Variants in SVEP1 observed in about 807,000 individuals in gnomAD.
SVEP1 encodes sushi, von Willebrand factor type A, EGF and pentraxin domain-containing protein 1.
Under a neutral mutation model 367.3 loss-of-function variants are expected in SVEP1, and 164 were observed. The observed-to-expected ratio is 0.45, with a 90% CI of 0.39 to 0.51. The LOEUF (loss-of-function observed/expected upper bound fraction) is 0.51, where lower values mean the gene tolerates loss of function less well. Among genes scored for constraint, SVEP1 ranks in the 20% least tolerant of loss-of-function variants. The pLI is 0.00. For missense variants in SVEP1, 4,117 were observed against 4,425.3 expected, an observed-to-expected ratio of 0.93 and a Z score of 1.98; for synonymous variants, 1,666 against 1,611.6, an observed-to-expected ratio of 1.03 and a Z score of -0.81.
At chr9:110,431,781 TTTATC>T (rs1343297755) in intron 32 of SVEP1, 129 bp downstream of exon 32, 244 of 1,214,144 alleles carry the variant, frequency 2.0e-4, no homozygotes, top group Non-Finnish European at 2.6e-4. Flanking sequence ...TTGTAAGAAC[TTTATC>T]TTATCTGCCT....
chr9:110,479,573 A>C, intron 13 of SVEP1, 62 bp downstream of exon 13: 1 of 1,512,972 alleles, frequency 6.6e-7, no homozygotes, highest in Non-Finnish European at 8.8e-7. Flanking sequence ...GTTGTAAATG[A>C]CTCAGAAAGG....
At chr9:110,485,406 G>A (rs535604348) in intron 9 of SVEP1, among the ~76,000 whole-genome samples, 6 of 152,124 alleles carry the variant, frequency 3.9e-5, no homozygotes, top group Non-Finnish European at 8.8e-5. Flanking sequence ...AACAGGGAGG[G>A]GAACAACACA....
chr9:110,471,434 G>C lies in SVEP1; in HGVS notation c.2928C>G (p.Ser976Arg), dbSNP rs1340172460. 6.2e-7 allele frequency: 1 copy of C among 1,613,912 alleles called. No homozygotes were observed. The highest frequency in any genetic ancestry group is 8.5e-7 in the Non-Finnish European group (1 of 1,179,872). ...QLASEILIAD[S>R]NSLETKKASP... The stretch of plus-strand genomic sequence containing the variant: ...AAGCCTTTTTTGTTTCTAATGAATT[G>C]CTGTCGGCTATAAGTATTTCTGATG... The change falls in exon 16 of 48, where the codon AGC becomes AGG. Residue 976 changes from serine to arginine, a missense_variant. By Grantham distance (110) the Ser-to-Arg change is moderately radical (BLOSUM62 -1). Around this residue, in one of 4 missense-constraint regions of SVEP1, gnomAD observed 2,174 missense variants for 2,494.3 expected, o/e 0.87. Transcript: ENST00000374469.
At chr9:110,529,964 T>C (rs1232302094) in intron 3 of SVEP1, among the ~76,000 whole-genome samples, 2 of 152,182 alleles carry the variant, frequency 1.3e-5, no homozygotes, top group Non-Finnish European at 2.9e-5. Flanking sequence ...TTTTAAACTT[T>C]TTCCCACTTA....
chr9:110,541,883 C>G (rs1490916563), intron 3 of SVEP1, among the ~76,000 whole-genome samples: 2 of 141,172 alleles, frequency 1.4e-5, no homozygotes, highest in Admixed American at 1.4e-4. Context: ...CTATATATAT[C>G]TATATACATA....
chr9:110,468,402 CAT>C (rs1358854741), intron 17 of SVEP1, among the ~76,000 whole-genome samples: 1 of 152,194 alleles, frequency 6.6e-6, no homozygotes, highest in African/African-American at 2.4e-5. Context: ...CTTGCCTTGG[CAT>C]ACTGAATATT....
intron 40 of SVEP1, among the ~76,000 whole-genome samples, chr9:110,393,591 G>C (rs535417935): frequency 1.6e-4 from 25 of 152,200 alleles, no homozygotes; most frequent in Non-Finnish European, 3.2e-4. Flanking sequence ...AAGGGGTCAG[G>C]GAATTCCCTT....
chr9:110,461,315 C>T (rs1278350607), intron 18 of SVEP1, among the ~76,000 whole-genome samples: 1 of 152,128 alleles, frequency 6.6e-6, no homozygotes, highest in African/African-American at 2.4e-5. Flanking sequence ...TATGTCCTTT[C>T]CTTGGATAAA....
At chr9:110,394,703 G>GAA (rs1827729010) in intron 40 of SVEP1, among the ~76,000 whole-genome samples, 1 of 152,170 alleles carries the variant, frequency 6.6e-6, no homozygotes, top group Non-Finnish European at 1.5e-5. Context: ...TACGTGACCA[G>GAA]TGCAGAAGCC....
intron 36 of SVEP1, among the ~76,000 whole-genome samples, chr9:110,416,690 T>A (rs1431340080): frequency 3.3e-5 from 5 of 151,962 alleles, no homozygotes; most frequent in Non-Finnish European, 7.4e-5. Flanking sequence ...TGAATGACAA[T>A]AAATACACCA....
chr9:110,543,145 T>C (rs1289554386), intron 3 of SVEP1, among the ~76,000 whole-genome samples: 1 of 152,108 alleles, frequency 6.6e-6, no homozygotes, highest in African/African-American at 2.4e-5. Context: ...TAGCTCCTAC[T>C]GTTCCAGAGA....
intron 8 of SVEP1, among the ~76,000 whole-genome samples, chr9:110,495,926 G>T (rs889935252): frequency 6.6e-5 from 10 of 152,054 alleles, no homozygotes; most frequent in African/African-American, 2.2e-4. Flanking sequence ...TTAAAAGATA[G>T]GTTCATAAAT....
chr9:110,403,296 G>GTTTTTTTTTGTTT, intron 39 of SVEP1, among the ~76,000 whole-genome samples: 1 of 43,454 alleles, frequency 2.3e-5, no homozygotes, highest in Admixed American at 3.9e-4. Context: ...CGCCACCGCC[G>GTTTTTTTTTGTTT]TTTTTTTTTT....
At chr9:110,445,482 C>G (rs1828578189) in intron 26 of SVEP1, among the ~76,000 whole-genome samples, 1 of 152,192 alleles carries the variant, frequency 6.6e-6, no homozygotes, top group Admixed American at 6.5e-5. Context: ...GAGTTTGAGA[C>G]TTAGCCCTGC....
chr9:110,568,733 C>T (rs1279381086), intron 1 of SVEP1, among the ~76,000 whole-genome samples: 4 of 151,972 alleles, frequency 2.6e-5, no homozygotes, highest in African/African-American at 9.7e-5. Context: ...GAGTTTATAT[C>T]GAATAAAATT....
chr9:110,463,621 A>C (rs1828892981), intron 18 of SVEP1, among the ~76,000 whole-genome samples: 1 of 147,508 alleles, frequency 6.8e-6, no homozygotes, highest in South Asian at 2.3e-4. Context: ...GGAAGGAAAG[A>C]AAGAAAGGAA....
chr9:110,448,851 T>A (rs1828646997), intron 24 of SVEP1, among the ~76,000 whole-genome samples: 1 of 152,180 alleles, frequency 6.6e-6, no homozygotes, highest in African/African-American at 2.4e-5. Flanking sequence ...ATTTCCACAT[T>A]GTAGGTGAAA....
chr9:110,438,345 C>T (rs1051868210), intron 27 of SVEP1, among the ~76,000 whole-genome samples: 1 of 151,988 alleles, frequency 6.6e-6, no homozygotes, highest in Admixed American at 6.6e-5. Context: ...TATGCACCAC[C>T]ATATCCGGCT....
intron 1 of SVEP1, among the ~76,000 whole-genome samples, chr9:110,571,762 T>C (rs758787391): frequency 1.3e-5 from 2 of 152,176 alleles, no homozygotes; most frequent in Non-Finnish European, 2.9e-5. Flanking sequence ...GGCCATGAAA[T>C]AGCACTCAAG....
Sources: allele counts gnomAD v4.1 joint callset (sites outside exome capture counted in the v4.1 genomes callset), GRCh38; gene constraint gnomAD v4.1.1; regional missense constraint gnomAD v4.1.1; transcripts MANE v1.5; gene names NCBI Gene and HGNC (gene_info 2026-07-23, HGNC 2026-07-21).